The following EXOC4 variants were observed in gnomAD, a reference collection of about 807,000 sequenced individuals.
EXOC4 encodes the protein exocyst complex component 4.
In EXOC4, 71 loss-of-function variants were observed where a neutral mutation model predicts 107.2. That is an observed-to-expected ratio of 0.66 (90% confidence interval 0.55 to 0.81). The LOEUF (loss-of-function observed/expected upper bound fraction) is 0.81. Among genes scored for constraint, EXOC4 ranks in the 30% least tolerant of loss-of-function variants. The pLI, the probability that EXOC4 is intolerant of heterozygous loss-of-function variation, is 0.00. For missense variants in EXOC4, 1,108 were observed against 1,189.6 expected, an observed-to-expected ratio of 0.93 and a Z score of 1.01; for synonymous variants, 456 against 441.2, an observed-to-expected ratio of 1.03 and a Z score of -0.42.
intron 7 of EXOC4, among the ~76,000 whole-genome samples, chr7:133,442,258 T>A (rs1378260900): frequency 6.6e-6 from 1 of 152,152 alleles, no homozygotes; most frequent in Non-Finnish European, 1.5e-5. Flanking sequence ...AAAGACCCTT[T>A]TGAAAGCCTA....
chr7:133,293,607 G>C (rs1794454910), intron 3 of EXOC4, among the ~76,000 whole-genome samples: 1 of 152,218 alleles, frequency 6.6e-6, no homozygotes, highest in Non-Finnish European at 1.5e-5. Context: ...GGCAGCTCCT[G>C]CTATTCCTAC....
At chr7:133,900,335 A>G (rs898508603) in intron 12 of EXOC4, among the ~76,000 whole-genome samples, 1 of 152,216 alleles carries the variant, frequency 6.6e-6, no homozygotes, top group African/African-American at 2.4e-5. Context: ...GGAGGAAGAA[A>G]TTACGAAGGA....
chr7:134,021,222 T>G (rs968012347), intron 17 of EXOC4, among the ~76,000 whole-genome samples: 1 of 152,228 alleles, frequency 6.6e-6, no homozygotes. Flanking sequence ...ATGCAGTATA[T>G]AACAGGCATT....
chr7:134,085,306 A>C, the EXOC4 span, among the ~76,000 whole-genome samples: 2 of 150,040 alleles, frequency 1.3e-5, no homozygotes, highest in Non-Finnish European at 3.0e-5. Flanking sequence ...ACTCTTAAGA[A>C]TACGTGGCCA....
At chr7:133,929,663 T>C (rs1031609367) in intron 13 of EXOC4, among the ~76,000 whole-genome samples, 1 of 152,132 alleles carries the variant, frequency 6.6e-6, no homozygotes, top group African/African-American at 2.4e-5. Context: ...CAGAATATTT[T>C]GTCACCCAGT....
intron 10 of EXOC4, among the ~76,000 whole-genome samples, chr7:133,778,597 T>C (rs1796396121): frequency 1.3e-5 from 2 of 152,116 alleles, no homozygotes; most frequent in Admixed American, 1.3e-4. Flanking sequence ...AAACAAAGAC[T>C]TCTCTACTAT....
chr7:133,284,786 C>T (rs1029193426), intron 2 of EXOC4, among the ~76,000 whole-genome samples: 93 of 152,024 alleles, frequency 6.1e-4, no homozygotes, highest in African/African-American at 2.1e-3. Flanking sequence ...CTGCTTGCCT[C>T]GGCCTCCCGA....
At chr7:133,685,480 A>G (rs1199588271) in intron 10 of EXOC4, among the ~76,000 whole-genome samples, 1 of 152,138 alleles carries the variant, frequency 6.6e-6, no homozygotes, top group African/African-American at 2.4e-5. Context: ...TCTTTCCTTT[A>G]TAAATTACCC....
chr7:133,332,784 G>C (rs916615883), intron 5 of EXOC4, among the ~76,000 whole-genome samples: 4 of 152,048 alleles, frequency 2.6e-5, no homozygotes, highest in African/African-American at 7.2e-5. Context: ...CATATAACTT[G>C]AATGGTAGAG....
At chr7:134,094,845 G>A in the EXOC4 span, among the ~76,000 whole-genome samples, 126 of 151,908 alleles carry the variant, frequency 8.3e-4, no homozygotes, top group Admixed American at 1.1e-3. Flanking sequence ...TGACAAACTC[G>A]CAGCAAACAT....
At chr7:133,824,159 A>C (rs1797642594) in intron 11 of EXOC4, among the ~76,000 whole-genome samples, 2 of 151,462 alleles carry the variant, frequency 1.3e-5, no homozygotes, top group South Asian at 4.2e-4. Flanking sequence ...TCTGTGTCAC[A>C]GCAACACTCC....
intron 7 of EXOC4, among the ~76,000 whole-genome samples, chr7:133,376,261 A>C (rs1796488212): frequency 6.6e-6 from 1 of 152,216 alleles, no homozygotes. Flanking sequence ...GTCAATTGCC[A>C]TGCCTGTAGT....
chr7:133,983,520 G>A (rs1358200707), intron 14 of EXOC4, among the ~76,000 whole-genome samples: 1 of 152,062 alleles, frequency 6.6e-6, no homozygotes, highest in Non-Finnish European at 1.5e-5. Flanking sequence ...TTTCTGTTTG[G>A]TTCAGTTTCA....
rs1309899636 is a variant in EXOC4 at position 133,375,158 on chromosome 7, CA to C, written c.1182+157del. On this transcript the variant is annotated intron_variant, in intron 7 of 17. Coordinates refer to ENST00000253861, the MANE Select transcript of EXOC4 (RefSeq NM_021807.4). Reference sequence around the variant, plus strand: ...CATTTGAATGTGATGTTGCTGATGGCATTAACTTCTACTATCTTCAAAAAAC... The same window carrying C: ...CATTTGAATGTGATGTTGCTGATGGCTTAACTTCTACTATCTTCAAAAAAC... The C allele has an allele frequency of 9.4e-6, 6 of 641,652 alleles. No individual in the cohort carries two copies. The East Asian group carries it at 1.7e-4, about 18-fold the overall frequency. 39.7% of individuals were successfully genotyped at this position (641,652 alleles called of 1,614,324 possible). A position where few individuals can be genotyped will look rare whatever the true frequency, so the allele number is the denominator to read the frequency against.
chr7:133,936,729 G>A (rs1220318213), intron 13 of EXOC4, among the ~76,000 whole-genome samples: 1 of 151,976 alleles, frequency 6.6e-6, no homozygotes, highest in Non-Finnish European at 1.5e-5. Flanking sequence ...GCACGATCTC[G>A]GCTCACTGCA....
intron 10 of EXOC4, among the ~76,000 whole-genome samples, chr7:133,765,140 A>C (rs930329758): frequency 3.3e-5 from 5 of 151,998 alleles, no homozygotes; most frequent in African/African-American, 1.2e-4. Context: ...CTGTTTATGA[A>C]AATAAGTTTT....
chr7:133,880,061 C>T (rs1206977118), intron 11 of EXOC4, among the ~76,000 whole-genome samples: 6 of 152,190 alleles, frequency 3.9e-5, no homozygotes, highest in South Asian at 2.1e-4. Context: ...ACACCTTTTC[C>T]CTTGCCTGAA....
At chr7:133,963,185 A>T (rs551023209) in intron 14 of EXOC4, among the ~76,000 whole-genome samples, 15 of 152,326 alleles carry the variant, frequency 9.8e-5, no homozygotes, top group African/African-American at 3.6e-4. Flanking sequence ...CCACTTCCCT[A>T]GATCAGGTAT....
intron 7 of EXOC4, among the ~76,000 whole-genome samples, chr7:133,460,416 A>G (rs1235827117): frequency 6.6e-6 from 1 of 152,210 alleles, no homozygotes; most frequent in East Asian, 1.9e-4. Context: ...TATTTACTGT[A>G]AACTTACTTA....
Sources: allele counts gnomAD v4.1 joint callset (sites outside exome capture counted in the v4.1 genomes callset), GRCh38; gene constraint gnomAD v4.1.1; transcripts MANE v1.5; gene names NCBI Gene and HGNC (gene_info 2026-07-23, HGNC 2026-07-21).